LRRC27: variants seen among roughly 807,000 people sequenced by gnomAD.
LRRC27 encodes leucine rich repeat containing 27.
In LRRC27, 57 loss-of-function variants were observed where a neutral mutation model predicts 55.0. That is an observed-to-expected ratio of 1.04 (90% confidence interval 0.84 to 1.29). LRRC27 has a LOEUF of 1.29. Among genes scored for constraint, LRRC27 ranks in the 50% most tolerant of loss-of-function variants. The pLI is 0.00. For missense variants in LRRC27, 721 were observed against 651.5 expected, an observed-to-expected ratio of 1.11 and a Z score of -1.16; for synonymous variants, 278 against 251.9, an observed-to-expected ratio of 1.10 and a Z score of -0.98.
rs2069346977 is a variant in LRRC27, at chr10:132,377,056, TGTG to T, written c.*1816_*1818del. 6.6e-6 allele frequency: 1 copy of T among 152,258 alleles called. No individual in the cohort carries two copies. The allele number at this position is 152,258 out of a possible 1,614,324, so 9.4% of individuals were successfully genotyped here. On this transcript the variant is annotated 3_prime_UTR_variant, in exon 11 of 11. Coordinates refer to ENST00000368614, the MANE Select transcript of LRRC27 (RefSeq NM_030626.3). ...CCTCTCCTTTTCACTTCTTGCCTTC[TGTG>T]GATTTTGTCTGATACTAATCCAGGC...
Position 132,372,740 on chromosome 10 carries a change from A to G in LRRC27, c.1417-2326A>G, listed in dbSNP as rs1378656852. On this transcript the variant is annotated intron_variant, in intron 10 of 10. Coordinates refer to ENST00000368614, the MANE Select transcript of LRRC27 (RefSeq NM_030626.3). This position sits in a 1 kb window ranked among gnomAD's most constrained non-coding sequence, Gnocchi z 4.0. ...TGGTGACAGCAGCCATGTTTGGCCTAAAGAGACCTGCAGAAGGTCAGGTGC... is the reference window on the plus strand; with the variant it reads ...TGGTGACAGCAGCCATGTTTGGCCTGAAGAGACCTGCAGAAGGTCAGGTGC... Among the ~76,000 whole-genome samples, 2 of 152,164 alleles carry G rather than the reference A, an allele frequency of 1.3e-5. No homozygotes were observed. The highest frequency in any genetic ancestry group is 2.1e-4 in the South Asian group (1 of 4,824).
chr10:132,365,372 G>C (rs1590725643), intron 9 of LRRC27, 52 bp from the exon 10 acceptor site: 2 of 1,605,106 alleles, frequency 1.2e-6, no homozygotes, highest in East Asian at 2.2e-5. Flanking sequence ...GGAGTTGCTA[G>C]GATGAGAGTA....
rs963999506 is a variant in LRRC27, at chr10:132,336,627, T to C, written c.211-938T>C. On this transcript the variant is annotated intron_variant, in intron 2 of 10. Transcript: ENST00000368614. ...AACAGCCAATCCACGCACTGTTCTTTAGTGCTTGCCCACATTGCCCCGTCT... is the reference window on the plus strand; with the variant it reads ...AACAGCCAATCCACGCACTGTTCTTCAGTGCTTGCCCACATTGCCCCGTCT... 6.9e-5 allele frequency: 44 copies of C among 639,980 alleles called. 1 individual carries two copies. In the East Asian group the frequency reaches 1.2e-3, roughly 18 times the overall value. 39.6% of individuals were successfully genotyped at this position (639,980 alleles called of 1,614,324 possible). A position where few individuals can be genotyped will look rare whatever the true frequency, so the allele number is the denominator to read the frequency against.
intron 3 of LRRC27, among the ~76,000 whole-genome samples, chr10:132,341,277 G>A (rs1432315522): frequency 2.7e-5 from 4 of 149,982 alleles, no homozygotes; most frequent in Non-Finnish European, 5.9e-5. Context: ...GGACTGAGGC[G>A]GGAGGATTGC....
intron 4 of LRRC27, among the ~76,000 whole-genome samples, chr10:132,343,822 C>CA (rs1225547431): frequency 1.2e-4 from 18 of 152,364 alleles, no homozygotes; most frequent in African/African-American, 4.1e-4. Context: ...AGGGCCCCTG[C>CA]AGTGCTTCCC....
At chr10:132,367,989 A>G (rs1012531734) in intron 10 of LRRC27, among the ~76,000 whole-genome samples, 3 of 152,262 alleles carry the variant, frequency 2.0e-5, no homozygotes, top group Admixed American at 1.3e-4. Context: ...CCTGAAACTA[A>G]TAAGTGATTA....
upstream of LRRC27, chr10:132,331,652 T>C (rs1296239634): frequency 6.2e-7 from 1 of 1,612,808 alleles, no homozygotes; most frequent in Admixed American, 1.7e-5. Flanking sequence ...AGGTGGTGCC[T>C]CAGCAGCAAT....
chr10:132,370,873 G>C (rs1185624275), intron 10 of LRRC27, among the ~76,000 whole-genome samples: 1 of 152,206 alleles, frequency 6.6e-6, no homozygotes, highest in Non-Finnish European at 1.5e-5. Context: ...TAATCCTGGT[G>C]AGACGATCAT....
At chr10:132,364,527 A>C (rs2068892437) in intron 9 of LRRC27, among the ~76,000 whole-genome samples, 1 of 100,598 alleles carries the variant, frequency 9.9e-6, no homozygotes, top group Non-Finnish European at 1.9e-5. Flanking sequence ...TCGCACTTAC[A>C]CCCACACTTA....
At chr10:132,360,710 C>T (rs1256842521) in intron 8 of LRRC27, among the ~76,000 whole-genome samples, 1 of 152,230 alleles carries the variant, frequency 6.6e-6, no homozygotes, top group Non-Finnish European at 1.5e-5. Context: ...GCAGATACAA[C>T]CATTCCAAAC....
chr10:132,342,411 A>T (rs1378217817), intron 4 of LRRC27, 140 bp downstream of exon 4: 1 of 611,958 alleles, frequency 1.6e-6, no homozygotes, highest in African/African-American at 1.9e-5. Flanking sequence ...GACCAAGATA[A>T]TGTAGCTCTC....
intron 5 of LRRC27, among the ~76,000 whole-genome samples, chr10:132,346,970 G>A (rs1162201526): frequency 2.6e-5 from 4 of 152,296 alleles, no homozygotes; most frequent in South Asian, 2.1e-4. Flanking sequence ...CCACTGCGAC[G>A]GCCACCTGGG....
chr10:132,346,600 C>T (rs1019519837), intron 5 of LRRC27, among the ~76,000 whole-genome samples: 2 of 152,092 alleles, frequency 1.3e-5, no homozygotes, highest in East Asian at 1.9e-4. Context: ...GGTGTGAACC[C>T]GGGAGGCGGA....
intron 7 of LRRC27, among the ~76,000 whole-genome samples, chr10:132,354,271 G>A (rs968650284): frequency 6.6e-6 from 1 of 152,240 alleles, no homozygotes. Flanking sequence ...GGAGCCCAGA[G>A]CCAGTGTCCT....
In LRRC27 at chr10:132,364,346, A is replaced by C. The variant is rs1391724147; in HGVS notation, c.1290-1078A>C. Among the ~76,000 whole-genome samples the C allele has an allele frequency of 3.6e-4, 6 of 16,728 alleles. 3 individuals are homozygous for C. Among genetic ancestry groups the C allele is most frequent in the East Asian group, 0.013 (2 of 160 alleles). 11.0% of individuals were successfully genotyped at this position (16,728 alleles called of 152,430 possible). On this transcript the variant is annotated intron_variant, in intron 9 of 10. Transcript: ENST00000368614. ...CACACCCATGACCACACCCACACTTAATCTACCTCCACACCCGCGCTTACA... is the reference window on the plus strand; with the variant it reads ...CACACCCATGACCACACCCACACTTCATCTACCTCCACACCCGCGCTTACA...
chr10:132,330,380 C>T (rs1047873544), upstream of LRRC27: 5 of 708,392 alleles, frequency 7.1e-6, no homozygotes, highest in African/African-American at 5.3e-5. Flanking sequence ...CCATCCCCTT[C>T]GCCACTCACG....
chr10:132,337,467 G>A, intron 2 of LRRC27, 98 bp from the exon 3 acceptor site: 1 of 1,530,182 alleles, frequency 6.5e-7, no homozygotes, highest in South Asian at 1.2e-5. Flanking sequence ...ATACGGTTCT[G>A]GTTGTTAGTA....
intron 2 of LRRC27, chr10:132,337,313 A>G: frequency 7.7e-7 from 1 of 1,302,206 alleles, no homozygotes; most frequent in East Asian, 3.3e-5. Flanking sequence ...CTGGGTCAGC[A>G]GCAGAGTGCC....
At chr10:132,331,500 C>G (rs1177828984), upstream of LRRC27, 1 of 1,612,896 alleles carries the variant, frequency 6.2e-7, no homozygotes, top group Non-Finnish European at 8.5e-7. Context: ...AGAGGACGCT[C>G]TGAGTCTGCG....
Sources: allele counts gnomAD v4.1 joint callset (sites outside exome capture counted in the v4.1 genomes callset), GRCh38; gene constraint gnomAD v4.1.1; non-coding constraint Gnocchi (gnomAD v3.1); transcripts MANE v1.5; gene names NCBI Gene and HGNC (gene_info 2026-07-23, HGNC 2026-07-21).